DAB2IP: variants seen among roughly 807,000 people sequenced by gnomAD.
DAB2IP encodes the protein DAB2 interacting protein.
A neutral mutation model predicts 107.2 loss-of-function variants in DAB2IP; 28 were observed. The observed-to-expected ratio is 0.26, with a 90% confidence interval of 0.19 to 0.36. The LOEUF (loss-of-function observed/expected upper bound fraction) is 0.36. DAB2IP is among the 10% of genes least tolerant of loss of function. The pLI, the probability that DAB2IP is intolerant of heterozygous loss-of-function variation, is 1.00. For missense variants in DAB2IP, 1,400 were observed against 1,644.7 expected (o/e 0.85, Z 2.57); for synonymous variants, 755 against 706.4 (o/e 1.07, Z -1.09).
Position 121,718,011 on chromosome 9 carries a change from T to C in DAB2IP, c.362+18553T>C, listed in dbSNP as rs112014712. Among the ~76,000 whole-genome samples, 444 of 152,318 alleles carry C rather than the reference T, an allele frequency of 2.9e-3. 7 individuals carry two copies. Among genetic ancestry groups the C allele is most frequent in the African/African-American group, 0.01 (418 of 41,570 alleles). ...TGGCTTTCCTTGCTGGTGGTCTCCC[T>C]GTGGGGCTGCTGTCCTTATGTGTCG... On this transcript the variant is annotated intron_variant, in intron 3 of 15. Coordinates refer to ENST00000408936, the Ensembl canonical transcript of DAB2IP.
intron 3 of DAB2IP, among the ~76,000 whole-genome samples, chr9:121,720,418 C>T (rs560366849): frequency 7.2e-5 from 11 of 152,338 alleles, no homozygotes; most frequent in South Asian, 2.1e-4. Context: ...TAATTAACTT[C>T]GGCATGGCAC....
At chr9:121,757,613 G>T (rs1393773590) in intron 4 of DAB2IP, among the ~76,000 whole-genome samples, 1 of 151,916 alleles carries the variant, frequency 6.6e-6, no homozygotes, top group Admixed American at 6.5e-5. Flanking sequence ...TGCGACCTGA[G>T]GTTTGAATGC....
Position 121,582,831 on chromosome 9 carries a change from G to A in DAB2IP, c.40+15603G>A, listed in dbSNP as rs1333569583. 2.0e-5 allele frequency among the ~76,000 whole-genome samples: 3 copies of A among 152,174 alleles called. No homozygotes were observed. The East Asian group carries it at 5.8e-4, about 29-fold the overall frequency. On this transcript the variant is annotated intron_variant, in intron 1 of 16. Coordinates refer to the DAB2IP transcript ENST00000259371. ...CCTACTCACATGCTAGTGCCCTTTT[G>A]CTCACCACTGCCTCCAGAAGCCTTC...
At chr9:121,756,116 G>A (rs756489195) in intron 3 of DAB2IP, among the ~76,000 whole-genome samples, 150 of 152,194 alleles carry the variant, frequency 9.9e-4, no homozygotes, top group Non-Finnish European at 1.7e-3. Flanking sequence ...CTGTCCCACC[G>A]TGGGGGCTGG....
chr9:121,583,045 AAGG>A (rs1160909234), intron 1 of DAB2IP, among the ~76,000 whole-genome samples: 3 of 152,222 alleles, frequency 2.0e-5, no homozygotes, highest in Non-Finnish European at 2.9e-5. Flanking sequence ...GGAGAAGGGG[AAGG>A]AGAAGGAGCC....
In DAB2IP at chr9:121,760,170, G is replaced by A; in HGVS notation, c.901G>A (p.Val301Met). The change falls in exon 6 of 16, where the codon GTG becomes ATG. Residue 301 changes from valine to methionine, a missense_variant. Transcript: ENST00000408936. The surrounding 1 kb of genome is among the most constrained non-coding windows in gnomAD (Gnocchi z 5.9). ...CCTGGTGAGCCTACCTGCTGCCTCG[G>A]TGGCCGGGCGGCAGTTCGTGGAGAA... 1 of 1,613,840 alleles carries A rather than the reference G, an allele frequency of 6.2e-7. No homozygotes were observed. Among genetic ancestry groups the A allele is most frequent in the Non-Finnish European group, 8.5e-7 (1 of 1,180,042 alleles).
At position 121,765,004 on chromosome 9, in the gene DAB2IP, G is replaced by A. The variant is rs114131858; in HGVS notation, c.1460+1125G>A. Among the ~76,000 whole-genome samples, 544 of 152,352 alleles carry A rather than the reference G, an allele frequency of 3.6e-3. 1 individual carries two copies. The highest frequency in any genetic ancestry group is 0.031 in the Middle Eastern group (9 of 294). On this transcript the variant is annotated intron_variant, in intron 8 of 15. Transcript: ENST00000408936. ...CCCCAAGGACAAGAAAAGGCAGGGGGAATGGGCAGGCCAGGAGGGTTGGCA... is the reference window on the plus strand; with the variant it reads ...CCCCAAGGACAAGAAAAGGCAGGGGAAATGGGCAGGCCAGGAGGGTTGGCA...
chr9:121,642,044 T>TC, intron 1 of DAB2IP, among the ~76,000 whole-genome samples: 1 of 49,144 alleles, frequency 2.0e-5, no homozygotes, highest in African/African-American at 9.5e-5. Flanking sequence ...TCTTTCTTTC[T>TC]TTCTTTCTTT....
chr9:121,739,524 C>T (rs1376435428), intron 3 of DAB2IP, among the ~76,000 whole-genome samples: 1 of 152,166 alleles, frequency 6.6e-6, no homozygotes, highest in African/African-American at 2.4e-5. Flanking sequence ...GGGAGGCTGC[C>T]CGGACAGCAG....
rs1455646997 is a variant in DAB2IP, at chr9:121,701,076, G to A, written c.362+1618G>A. On this transcript the variant is annotated intron_variant, in intron 3 of 15. Transcript: ENST00000408936. The surrounding 1 kb of genome is among the most constrained non-coding windows in gnomAD (Gnocchi z 4.7). The stretch of plus-strand genomic sequence containing the variant: ...GCCCTTCTCCGCGCTTTCCTTGGCG[G>A]GGGTCAGGACCCTCTGCACCCGCAT... 6.6e-6 allele frequency among the ~76,000 whole-genome samples: 1 copy of A among 152,242 alleles called. No homozygotes were observed. Among genetic ancestry groups the A allele is most frequent in the Non-Finnish European group, 1.5e-5 (1 of 68,048 alleles).
At chr9:121,752,033 A>G (rs2118937629) in intron 3 of DAB2IP, 2 of 985,380 alleles carry the variant, frequency 2.0e-6, no homozygotes, top group African/African-American at 1.7e-5. Flanking sequence ...GTGATCTGCC[A>G]TGTTTAGAAG....
intron 1 of DAB2IP, 123 bp downstream of exon 1, chr9:121,652,022 C>G: frequency 2.2e-6 from 2 of 909,100 alleles, no homozygotes; most frequent in Non-Finnish European, 2.9e-6. Flanking sequence ...CCTCATCCGC[C>G]CCTTCCTGAG....
Position 121,576,754 on chromosome 9 carries a change from TG to T in DAB2IP, c.40+9534del, listed in dbSNP as rs202239873. The stretch of plus-strand genomic sequence containing the variant: ...GGGACCTGGGTGGAAGGGCAGATTC[TG>T]GGGGGGGAGGGGAAACGATGTTCTG... On this transcript the variant is annotated intron_variant, in intron 1 of 16. Coordinates refer to the DAB2IP transcript ENST00000259371. Among the ~76,000 whole-genome samples, 1,469 of 150,342 alleles carry T rather than the reference TG, an allele frequency of 9.8e-3. 32 individuals carry two copies. The highest frequency in any genetic ancestry group is 0.034 in the African/African-American group (1,395 of 41,002).
At chr9:121,783,736 G>GGCGCTGCATACAGGGGAGGGGC (rs1835820372) in exon 16 of DAB2IP, 1 of 773,072 alleles carries the variant, frequency 1.3e-6, no homozygotes, top group African/African-American at 1.7e-5. Flanking sequence ...CAAGGACCCA[G>GGCGCTGCATACAGGGGAGGGGC]GCGCTGCATA....
intron 1 of DAB2IP, among the ~76,000 whole-genome samples, chr9:121,629,247 A>G (rs1161154467): frequency 6.6e-6 from 1 of 152,160 alleles, no homozygotes; most frequent in East Asian, 1.9e-4. Flanking sequence ...ACAGGTGAAG[A>G]GGCTTTGAGG....
chr9:121,568,302 C>T (rs779401018), intron 1 of DAB2IP, among the ~76,000 whole-genome samples: 7 of 152,158 alleles, frequency 4.6e-5, no homozygotes, highest in Non-Finnish European at 1.0e-4. Flanking sequence ...GGAGCTGCAG[C>T]CCTCAGGGAA....
In DAB2IP at chr9:121,768,356, GGT is replaced by G. The variant is rs1376441234; in HGVS notation, c.1698-73_1698-72del. 4 of 1,475,342 alleles carry G rather than the reference GGT, an allele frequency of 2.7e-6. No individual in the cohort carries two copies. The East Asian group carries it at 9.1e-5, about 33-fold the overall frequency. 91.4% of individuals were successfully genotyped at this position (1,475,342 alleles called of 1,614,324 possible). On this transcript the variant is annotated intron_variant, in intron 9 of 15. Transcript: ENST00000408936. The stretch of plus-strand genomic sequence containing the variant: ...TGCCATAGTGGGGAAAGCGGGTGGT[GGT>G]GTCCCAGTGGAGGGAGTTCCTGGGC...
chr9:121,676,526 G>A (rs891528138), intron 1 of DAB2IP, among the ~76,000 whole-genome samples: 1 of 152,086 alleles, frequency 6.6e-6, no homozygotes, highest in Non-Finnish European at 1.5e-5. Context: ...TCTCCCTTGC[G>A]AGTCAACAGG....
chr9:121,653,023 T>G (rs1222495839), intron 1 of DAB2IP, among the ~76,000 whole-genome samples: 1 of 152,120 alleles, frequency 6.6e-6, no homozygotes, highest in Non-Finnish European at 1.5e-5. Context: ...GCTAAGTGTG[T>G]GCACAGGTGT....
Sources: gnomAD v4.1 joint callset for allele counts (sites outside exome capture counted in the v4.1 genomes callset) on GRCh38, gnomAD v4.1.1 for gene constraint, Gnocchi (gnomAD v3.1) non-coding constraint, MANE v1.5 for transcripts, NCBI Gene and HGNC (gene_info 2026-07-23, HGNC 2026-07-21) for gene names.